BRME1: variants seen among roughly 807,000 people sequenced by gnomAD.
The protein encoded by BRME1 is BRCA2 and MEILB2-associating protein 1.
A neutral mutation model predicts 52.6 loss-of-function variants in BRME1; 31 were observed. The ratio of observed to expected loss-of-function variants is 0.59; its 90% CI spans 0.44 to 0.80. The LOEUF (loss-of-function observed/expected upper bound fraction) is 0.80. Ranked by LOEUF, BRME1 falls within the 30% of genes least tolerant of loss-of-function variation. The pLI, the probability that BRME1 is intolerant of heterozygous loss-of-function variation, is 0.00. For synonymous variants in BRME1, 359 were observed against 353.6 expected (o/e 1.02, Z -0.17); for missense variants, 804 against 860.3 (o/e 0.93, Z 0.82).
chr19:13,890,833 C>T (rs1969437735), intron 5 of BRME1, among the ~76,000 whole-genome samples: 1 of 152,218 alleles, frequency 6.6e-6, no homozygotes, highest in African/African-American at 2.4e-5. Flanking sequence ...GACTGCACTC[C>T]AGCCTGGACG....
Position 13,892,883 on chromosome 19 carries a change from AATGAGT to A in BRME1, c.290_295del (p.Asn97_Phe99delinsIle), listed in dbSNP as rs1373280847. 2 of 1,613,092 alleles carry A rather than the reference AATGAGT, an allele frequency of 1.2e-6. No homozygotes were observed. Among genetic ancestry groups the A allele is most frequent in the African/African-American group, 2.7e-5 (2 of 75,038 alleles). The stretch of plus-strand genomic sequence containing the variant: ...TGCAAACTGGGGAACAAACCTCCCG[AATGAGT>A]TCTGTAAACCGGATACAAGAACAAA... On this transcript the variant is annotated inframe_deletion and splice_region_variant, in exon 5 of 9. Transcript: ENST00000586783.
chr19:13,882,793 C>T lies in BRME1; in HGVS notation c.*9G>A. Reference sequence around the variant, plus strand: ...TGGGTGGCAAAGGAAACACAGACCTCAAAGTGGCCTACAACTCCCTCCAGG... The same window carrying T: ...TGGGTGGCAAAGGAAACACAGACCTTAAAGTGGCCTACAACTCCCTCCAGG... On this transcript the variant is annotated 3_prime_UTR_variant, in exon 9 of 9. Transcript: ENST00000586783. 1 of 1,613,584 alleles carries T rather than the reference C, an allele frequency of 6.2e-7. No individual in the cohort carries two copies. The highest frequency in any genetic ancestry group is 1.1e-5 in the South Asian group (1 of 91,066).
intron 5 of BRME1, among the ~76,000 whole-genome samples, chr19:13,890,766 C>T (rs1969432889): frequency 6.6e-6 from 1 of 152,072 alleles, no homozygotes; most frequent in Non-Finnish European, 1.5e-5. Context: ...ACTCAGGAGG[C>T]TGAGGCAGGA....
At chr19:13,889,098 C>G (rs1054341527) in intron 6 of BRME1, 90 bp downstream of exon 6, 9 of 1,255,496 alleles carry the variant, frequency 7.2e-6, no homozygotes, top group Non-Finnish European at 8.7e-6. Context: ...CCCAGCTCCC[C>G]CTCTGCCACT....
rs1168579135 is a variant in BRME1 at position 13,882,808 on chromosome 19, C to T, written c.2001G>A (p.Glu667=). The T allele has an allele frequency of 1.2e-6, 2 of 1,613,854 alleles. No individual in the cohort carries two copies. Among genetic ancestry groups the T allele is most frequent in the South Asian group, 2.2e-5 (2 of 91,074 alleles). Reference sequence around the variant, plus strand: ...ACACAGACCTCAAAGTGGCCTACAACTCCCTCCAGGGTGGGTCCCCTCGAG... The same window carrying T: ...ACACAGACCTCAAAGTGGCCTACAATTCCCTCCAGGGTGGGTCCCCTCGAG... ...NIPRGDPPWR[E]L Residue 667 remains glutamate (E), a synonymous_variant, in exon 9 of 9, where the codon GAG becomes GAA. Transcript: ENST00000586783.
chr19:13,884,444 G>A (rs1271475979), intron 7 of BRME1, among the ~76,000 whole-genome samples: 3 of 151,822 alleles, frequency 2.0e-5, no homozygotes, highest in Non-Finnish European at 1.5e-5. Context: ...TGGGCAACAC[G>A]GCAAAATCCC....
Position 13,898,847 on chromosome 19 carries a change from C to T in BRME1, c.32-3301G>A, listed in dbSNP as rs369313488. On this transcript the variant is annotated intron_variant, in intron 2 of 8. Transcript: ENST00000586783. Reference sequence around the variant, plus strand: ...CTGAGGCAGGAGAATCGCTTGAACCCGGGAGGCGGAGGTTGCAGTGAGCCG... The same window carrying T: ...CTGAGGCAGGAGAATCGCTTGAACCTGGGAGGCGGAGGTTGCAGTGAGCCG... Among the ~76,000 whole-genome samples the T allele has an allele frequency of 4.8e-5, 7 of 147,206 alleles. No individual in the cohort carries two copies. The South Asian group carries it at 6.5e-4, about 14-fold the overall frequency.
chr19:13,897,730 T>C (rs554571475), intron 2 of BRME1, among the ~76,000 whole-genome samples: 1 of 151,748 alleles, frequency 6.6e-6, no homozygotes, highest in East Asian at 1.9e-4. Flanking sequence ...AACATGGTGG[T>C]GCATGCCTGC....
chr19:13,882,599 T>C lies in BRME1; in HGVS notation c.*203A>G. On this transcript the variant is annotated 3_prime_UTR_variant, in exon 9 of 9. Transcript: ENST00000586783. Reference sequence around the variant, plus strand: ...CTGTGGGAGACACAGTTTCCCTCCCTGAAGCCAAGGGTGGCAAATGACCTT... The same window carrying C: ...CTGTGGGAGACACAGTTTCCCTCCCCGAAGCCAAGGGTGGCAAATGACCTT... 1.6e-6 allele frequency: 1 copy of C among 635,016 alleles called. No homozygotes were observed. Among genetic ancestry groups the C allele is most frequent in the Non-Finnish European group, 2.7e-6 (1 of 375,524 alleles). The allele number at this position is 635,016 out of a possible 1,614,324, so 39.3% of individuals were successfully genotyped here.
rs1968787131 is a variant in BRME1, at chr19:13,883,532, C to T, written c.1764-132G>A. 1.4e-6 allele frequency: 1 copy of T among 695,272 alleles called. No individual in the cohort carries two copies. Among genetic ancestry groups the T allele is most frequent in the Non-Finnish European group, 2.4e-6 (1 of 414,876 alleles). 43.1% of individuals were successfully genotyped at this position (695,272 alleles called of 1,614,324 possible). A position where few individuals can be genotyped will look rare whatever the true frequency, so the allele number is the denominator to read the frequency against. On this transcript the variant is annotated intron_variant, in intron 7 of 8. Coordinates refer to ENST00000586783, the MANE Select transcript of BRME1 (RefSeq NM_001345843.2). The surrounding 1 kb of genome is among the most constrained non-coding windows in gnomAD (Gnocchi z 4.2). Reference sequence around the variant, plus strand: ...CCAGCCTGTCCTCCTCTGTTCACGACAGAACCCTGATGGCCAACCCAGCTG... The same window carrying T: ...CCAGCCTGTCCTCCTCTGTTCACGATAGAACCCTGATGGCCAACCCAGCTG...
chr19:13,888,185 G>A lies in BRME1; in HGVS notation c.1668+1003C>T, dbSNP rs1198453573. On this transcript the variant is annotated intron_variant, in intron 6 of 8. Coordinates refer to ENST00000586783, the MANE Select transcript of BRME1 (RefSeq NM_001345843.2). The surrounding 1 kb of genome is among the most constrained non-coding windows in gnomAD (Gnocchi z 4.1). ...CTCCCAAAGTCCTGAGATTACAGGTGGGAGCCACTGTGCCTGGCCATGAAT... is the reference window on the plus strand; with the variant it reads ...CTCCCAAAGTCCTGAGATTACAGGTAGGAGCCACTGTGCCTGGCCATGAAT... Among the ~76,000 whole-genome samples, 1 of 152,028 alleles carries A rather than the reference G, an allele frequency of 6.6e-6. No homozygotes were observed. Among genetic ancestry groups the A allele is most frequent in the Non-Finnish European group, 1.5e-5 (1 of 68,010 alleles).
intron 6 of BRME1, among the ~76,000 whole-genome samples, chr19:13,886,260 G>A (rs748212458): frequency 1.8e-4 from 28 of 152,130 alleles, no homozygotes; most frequent in Non-Finnish European, 2.9e-4. Flanking sequence ...CCTGGGCTGC[G>A]CCCGTCCTTT....
Position 13,888,560 on chromosome 19 carries a change from C to T in BRME1, c.1668+628G>A. Among the ~76,000 whole-genome samples the T allele has an allele frequency of 6.6e-6, 1 of 152,244 alleles. No homozygotes were observed. The highest frequency in any genetic ancestry group is 1.5e-5 in the Non-Finnish European group (1 of 68,034). The stretch of plus-strand genomic sequence containing the variant: ...ATCTGCCCAGACAGGAGAATGAACG[C>T]CAACGGCTGGCACCGGCTCTGGAGC... On this transcript the variant is annotated intron_variant, in intron 6 of 8. Coordinates refer to ENST00000586783, the MANE Select transcript of BRME1 (RefSeq NM_001345843.2). This position sits in a 1 kb window ranked among gnomAD's most constrained non-coding sequence, Gnocchi z 4.1.
rs1017375461 is a variant in BRME1, at chr19:13,906,062, C to A, written c.-369G>T. ...CAGATGTCGCCGCCCCTCACACCTG[C>A]GCGCGCTCTGCCTCTTTCCCGCGCC... On this transcript the variant is annotated 5_prime_UTR_variant, in exon 1 of 9. Coordinates refer to ENST00000586783, the MANE Select transcript of BRME1 (RefSeq NM_001345843.2). The surrounding 1 kb of genome is among the most constrained non-coding windows in gnomAD (Gnocchi z 4.1). The A allele has an allele frequency of 9.7e-5, 18 of 185,980 alleles. No homozygotes were observed. Among genetic ancestry groups the A allele is most frequent in the African/African-American group, 3.5e-4 (15 of 42,646 alleles). The allele number at this position is 185,980 out of a possible 1,614,324, so 11.5% of individuals were successfully genotyped here.
At chr19:13,892,000 G>A (rs1969538941) in intron 5 of BRME1, among the ~76,000 whole-genome samples, 1 of 150,596 alleles carries the variant, frequency 6.6e-6, no homozygotes. Flanking sequence ...TTGAACCCAG[G>A]AGGTGGAGGC....
intron 2 of BRME1, among the ~76,000 whole-genome samples, chr19:13,901,596 G>A (rs1970300110): frequency 6.6e-6 from 1 of 151,866 alleles, no homozygotes; most frequent in South Asian, 2.1e-4. Context: ...CTACTCAGGA[G>A]GCTGAGGCAT....
At chr19:13,885,889 C>T in intron 7 of BRME1, 72 bp downstream of exon 7, 12 of 1,359,416 alleles carry the variant, frequency 8.8e-6, no homozygotes, top group Non-Finnish European at 1.3e-5. Flanking sequence ...GGGTCTGTCT[C>T]CTCCATCTGT....
At position 13,886,032 on chromosome 19, in the gene BRME1, C is replaced by T. The variant is rs1276076700; in HGVS notation, c.1692G>A (p.Pro564=). Residue 564 remains proline, a synonymous_variant, in exon 7 of 9, where the codon CCG becomes CCA. Coordinates refer to ENST00000586783, the MANE Select transcript of BRME1 (RefSeq NM_001345843.2). ...AGCTGGGGCCCGGCCAGCAAGGGCCCGGCTTGTTCCCCGAAGGAAAGAGCT... is the reference window on the plus strand; with the variant it reads ...AGCTGGGGCCCGGCCAGCAAGGGCCTGGCTTGTTCCCCGAAGGAAAGAGCT... ...PEQLFPSGNK[P]GPCWPGPSSH... 17 of 1,613,836 alleles carry T rather than the reference C, an allele frequency of 1.1e-5. No homozygotes were observed. The highest frequency in any genetic ancestry group is 2.7e-5 in the African/African-American group (2 of 74,946).
At chr19:13,898,923 CAAAA>C (rs1159325305) in intron 2 of BRME1, among the ~76,000 whole-genome samples, 3 of 67,726 alleles carry the variant, frequency 4.4e-5, no homozygotes, top group Non-Finnish European at 9.3e-5. Context: ...AACTCCATCT[CAAAA>C]AAAAAAAAAA....
Sources: gnomAD v4.1 joint callset for allele counts (sites outside exome capture counted in the v4.1 genomes callset) on GRCh38, gnomAD v4.1.1 for gene constraint, Gnocchi (gnomAD v3.1) non-coding constraint, MANE v1.5 for transcripts, NCBI Gene and HGNC (gene_info 2026-07-23, HGNC 2026-07-21) for gene names.